The following FGD6 variants were observed in gnomAD, a reference collection of about 807,000 sequenced individuals.
The protein encoded by FGD6 is FYVE, RhoGEF and PH domain containing 6, also known as FYVE, RhoGEF and PH domain-containing protein 6.
In FGD6, 90 loss-of-function variants were observed where a neutral mutation model predicts 149.4. That is an observed-to-expected ratio of 0.60 (90% CI 0.51 to 0.72). The LOEUF (loss-of-function observed/expected upper bound fraction) is 0.72, where lower values mean the gene tolerates loss of function less well. Among genes scored for constraint, FGD6 ranks in the 30% least tolerant of loss-of-function variants. The probability of loss-of-function intolerance (pLI) is 0.00; values close to 1 mark genes in which losing one functional copy is unlikely to be tolerated. For missense variants in FGD6, 1,437 were observed against 1,684.8 expected, an observed-to-expected ratio of 0.85 and a Z score of 2.57; for synonymous variants, 527 against 584.0, an observed-to-expected ratio of 0.90 and a Z score of 1.41.
chr12:95,160,326 T>C (rs1880602183), intron 3 of FGD6, among the ~76,000 whole-genome samples: 1 of 152,116 alleles, frequency 6.6e-6, no homozygotes, highest in Non-Finnish European at 1.5e-5. Context: ...CACAATGATA[T>C]ACTTCACACC....
chr12:95,148,373 T>C (rs1185218930), intron 5 of FGD6, among the ~76,000 whole-genome samples: 1 of 150,156 alleles, frequency 6.7e-6, no homozygotes, highest in East Asian at 1.9e-4. Flanking sequence ...ATTGAGTCTC[T>C]CAAATTTTCA....
intron 5 of FGD6, among the ~76,000 whole-genome samples, chr12:95,150,019 CACACACACACACA>C (rs1565909348): frequency 8.2e-5 from 12 of 146,552 alleles, no homozygotes; most frequent in Non-Finnish European, 1.2e-4. Flanking sequence ...CACACACACA[CACACACACACACA>C]CTTTTTTTTT....
At chr12:95,087,971 A>C (rs1877933829) in intron 18 of FGD6, among the ~76,000 whole-genome samples, 1 of 152,230 alleles carries the variant, frequency 6.6e-6, no homozygotes, top group South Asian at 2.1e-4. Context: ...TTAACATTCA[A>C]ATGAGATTTT....
intron 15 of FGD6, among the ~76,000 whole-genome samples, chr12:95,093,505 C>G (rs1339560747): frequency 3.3e-5 from 5 of 151,730 alleles, no homozygotes; most frequent in Non-Finnish European, 5.9e-5. Context: ...CATGGAGAAA[C>G]CCTGTCTCTA....
chr12:95,214,801 C>T (rs2056745326), intron 1 of FGD6, among the ~76,000 whole-genome samples: 1 of 151,482 alleles, frequency 6.6e-6, no homozygotes, highest in East Asian at 1.9e-4. Flanking sequence ...GTGACCTGTA[C>T]ATGTTCAAAA....
At chr12:95,125,534 G>A (rs1483039784) in intron 8 of FGD6, among the ~76,000 whole-genome samples, 5 of 152,290 alleles carry the variant, frequency 3.3e-5, no homozygotes, top group Admixed American at 2.0e-4. Flanking sequence ...TACTTGGTAC[G>A]CTGAAGTGGG....
chr12:95,105,885 C>A (rs1277626421), intron 13 of FGD6, among the ~76,000 whole-genome samples: 2 of 152,062 alleles, frequency 1.3e-5, no homozygotes, highest in Non-Finnish European at 2.9e-5. Context: ...TTAGCTGAGC[C>A]TGTAGTCCCA....
intron 2 of FGD6, among the ~76,000 whole-genome samples, chr12:95,184,583 T>A (rs908466377): frequency 1.7e-3 from 6 of 3,474 alleles, no homozygotes; most frequent in African/African-American, 0.017. Flanking sequence ...TCCTGCACGT[T>A]TTTTTTTTTT....
Position 95,172,705 on chromosome 12 carries a change from A to G in FGD6, c.2481T>C (p.Leu827=), listed in dbSNP as rs1435914122. Residue 827 remains leucine (L), a synonymous_variant, in exon 3 of 21, where the codon CTT becomes CTC. Coordinates refer to ENST00000343958, the MANE Select transcript of FGD6 (RefSeq NM_018351.4). ...ASQEEQNDLG[L]GDLPSDEEEI... ...CCTCCTCATCAGAGGGAAGGTCACCAAGACCAAGATCATTCTGTTCCTCCT... is the reference window on the plus strand; with the variant it reads ...CCTCCTCATCAGAGGGAAGGTCACCGAGACCAAGATCATTCTGTTCCTCCT... 6.2e-7 allele frequency: 1 copy of G among 1,613,110 alleles called. No individual in the cohort carries two copies. The highest frequency in any genetic ancestry group is 1.1e-5 in the South Asian group (1 of 90,774).
intron 8 of FGD6, among the ~76,000 whole-genome samples, chr12:95,124,795 A>G (rs1303578735): frequency 1.3e-5 from 2 of 152,216 alleles, no homozygotes; most frequent in African/African-American, 4.8e-5. Flanking sequence ...GGTGCAAACC[A>G]CAACAGTATC....
intron 15 of FGD6, among the ~76,000 whole-genome samples, chr12:95,093,295 C>T (rs985759163): frequency 1.3e-5 from 2 of 151,914 alleles, no homozygotes; most frequent in Non-Finnish European, 2.9e-5. Flanking sequence ...CGCCTGTAGT[C>T]CCAGCACTTT....
chr12:95,154,614 G>A (rs1488885952), intron 3 of FGD6, among the ~76,000 whole-genome samples: 1 of 152,096 alleles, frequency 6.6e-6, no homozygotes, highest in Non-Finnish European at 1.5e-5. Flanking sequence ...AAAATGCTTG[G>A]ATGTTTCTTT....
chr12:95,121,481 G>GTGTATATA (rs1491167311), intron 8 of FGD6, among the ~76,000 whole-genome samples: 1 of 121,910 alleles, frequency 8.2e-6, no homozygotes, highest in African/African-American at 3.4e-5. Flanking sequence ...ATATATATAT[G>GTGTATATA]TATATATATA....
intron 14 of FGD6, among the ~76,000 whole-genome samples, chr12:95,098,867 ATT>A (rs63204961): frequency 1.1e-4 from 14 of 126,728 alleles, no homozygotes; most frequent in Admixed American, 1.7e-4. Context: ...GGCCCTTTTA[ATT>A]TTTTTTTTTT....
chr12:95,136,359 A>AAAAAC (rs1308420582), intron 7 of FGD6, among the ~76,000 whole-genome samples: 3 of 152,192 alleles, frequency 2.0e-5, no homozygotes, highest in Non-Finnish European at 4.4e-5. Flanking sequence ...CTCCATCTCA[A>AAAAAC]AAAACAAAAC....
At chr12:95,158,163 CTTT>C (rs11294901) in intron 3 of FGD6, among the ~76,000 whole-genome samples, 1,984 of 81,458 alleles carry the variant, frequency 0.024, 86 homozygotes, top group African/African-American at 0.094. Flanking sequence ...CATTCACTCA[CTTT>C]TTTTTTTTTT....
chr12:95,141,863 T>C (rs1370564833), intron 5 of FGD6, among the ~76,000 whole-genome samples: 1 of 152,222 alleles, frequency 6.6e-6, no homozygotes, highest in African/African-American at 2.4e-5. Flanking sequence ...GTCTTTAGAA[T>C]TATTCCAATA....
At chr12:95,163,925 G>A (rs1187180658) in intron 3 of FGD6, among the ~76,000 whole-genome samples, 1 of 152,158 alleles carries the variant, frequency 6.6e-6, no homozygotes. Context: ...TCTCCAACTT[G>A]TAAGAACAAT....
intron 1 of FGD6, among the ~76,000 whole-genome samples, chr12:95,212,528 C>T (rs2056732909): frequency 6.6e-6 from 1 of 152,198 alleles, no homozygotes; most frequent in Non-Finnish European, 1.5e-5. Flanking sequence ...GTTCTTCCAC[C>T]TACACTGTCA....
Sources: allele counts gnomAD v4.1 joint callset (sites outside exome capture counted in the v4.1 genomes callset), GRCh38; gene constraint gnomAD v4.1.1; transcripts MANE v1.5; gene names NCBI Gene and HGNC (gene_info 2026-07-23, HGNC 2026-07-21).